Variants in MBNL2 observed in about 807,000 individuals in gnomAD.
MBNL2 encodes the protein muscleblind like splicing regulator 2.
A neutral mutation model predicts 41.9 loss-of-function variants in MBNL2; 17 were observed. The ratio of observed to expected loss-of-function variants is 0.41; its 90% CI spans 0.28 to 0.61. The LOEUF is 0.61. Among genes scored for constraint, MBNL2 ranks in the 20% least tolerant of loss-of-function variants. The pLI is 0.35. For missense variants in MBNL2, 336 were observed against 505.6 expected (o/e 0.66, Z 3.22); for synonymous variants, 195 against 182.9 (o/e 1.07, Z -0.53).
chr13:97,264,965 C>G (rs1407968778), intron 1 of MBNL2, among the ~76,000 whole-genome samples: 1 of 152,198 alleles, frequency 6.6e-6, no homozygotes, highest in Non-Finnish European at 1.5e-5. Flanking sequence ...TCAATGGTCT[C>G]TAATACAATT....
chr13:97,257,672 A>T (rs1220573296), intron 1 of MBNL2, among the ~76,000 whole-genome samples: 1 of 152,194 alleles, frequency 6.6e-6, no homozygotes, highest in Non-Finnish European at 1.5e-5. Context: ...CGTTTGTTTC[A>T]GTCACCCTGG....
the MBNL2 span, among the ~76,000 whole-genome samples, chr13:97,182,842 C>A: frequency 6.6e-6 from 1 of 152,142 alleles, no homozygotes; most frequent in Non-Finnish European, 1.5e-5. Context: ...GAATTATTCC[C>A]CTCCATTGTG....
chr13:97,358,034 A>G (rs995454971), intron 7 of MBNL2, among the ~76,000 whole-genome samples: 10 of 152,234 alleles, frequency 6.6e-5, no homozygotes, highest in African/African-American at 2.4e-4. Context: ...ATTTCTATTC[A>G]GAGCACTAAA....
chr13:97,324,820 C>T (rs562902831), intron 2 of MBNL2, among the ~76,000 whole-genome samples: 5 of 152,168 alleles, frequency 3.3e-5, no homozygotes, highest in Admixed American at 2.6e-4. Flanking sequence ...ACTTGGAGTC[C>T]GATGTTCGAG....
chr13:97,298,061 G>A (rs542529629), intron 2 of MBNL2, among the ~76,000 whole-genome samples: 4 of 152,014 alleles, frequency 2.6e-5, no homozygotes, highest in East Asian at 3.9e-4. Context: ...GAACTTTCTC[G>A]GACCTCTTCA....
Position 97,276,219 on chromosome 13 carries a change from C to T in MBNL2, c.-17C>T. 6.2e-7 allele frequency: 1 copy of T among 1,604,454 alleles called. No individual in the cohort carries two copies. Among genetic ancestry groups the T allele is most frequent in the East Asian group, 2.2e-5 (1 of 44,738 alleles). On this transcript the variant is annotated 5_prime_UTR_variant, in exon 2 of 9. Transcript: ENST00000679496. ...CATCATTTAACAGAAACAAACAGCC[C>T]AAATTACTTTATCACCATGGCTTTG...
chr13:97,165,145 A>G, the MBNL2 span, among the ~76,000 whole-genome samples: 2 of 152,152 alleles, frequency 1.3e-5, no homozygotes, highest in African/African-American at 4.8e-5. Flanking sequence ...TGGAGGTTGC[A>G]GTGAGCCGAG....
At chr13:97,156,455 C>T in the MBNL2 span, among the ~76,000 whole-genome samples, 1 of 141,110 alleles carries the variant, frequency 7.1e-6, no homozygotes, top group Admixed American at 7.2e-5. Context: ...GTGTTTTAGA[C>T]ATGAAGTCCT....
rs1322127017 is a variant in MBNL2 at position 97,270,004 on chromosome 13, GTACA to G, written c.-604-5623_-604-5620del. Among the ~76,000 whole-genome samples the G allele has an allele frequency of 5.9e-5, 9 of 152,336 alleles. No homozygotes were observed. The East Asian group carries it at 1.5e-3, about 26-fold the overall frequency. ...ATCTGTCTTTCATGGCAGCAACCAT[GTACA>G]TACAGGCAGGAACTATTATCGACAT... On this transcript the variant is annotated intron_variant, in intron 1 of 8. Coordinates refer to ENST00000679496, the MANE Select transcript of MBNL2 (RefSeq NM_001382683.1).
In MBNL2 at chr13:97,268,863, AATG is replaced by A. The variant is rs2050354564; in HGVS notation, c.-604-6766_-604-6764del. ...TTACAGTTCTTGTGAATTAAGGAAT[AATG>A]ATACCTATTTAAAAATAATGACCAG... On this transcript the variant is annotated intron_variant, in intron 1 of 8. Transcript: ENST00000679496. The surrounding 1 kb of genome is among the most constrained non-coding windows in gnomAD (Gnocchi z 4.6). Among the ~76,000 whole-genome samples, 1 of 152,264 alleles carries A rather than the reference AATG, an allele frequency of 6.6e-6. No homozygotes were observed. The highest frequency in any genetic ancestry group is 6.5e-5 in the Admixed American group (1 of 15,288).
intron 2 of MBNL2, among the ~76,000 whole-genome samples, chr13:97,292,045 A>G (rs532148701): frequency 1.4e-3 from 212 of 151,206 alleles, no homozygotes; most frequent in African/African-American, 4.9e-3. Context: ...TAAAAAATAC[A>G]AAAAAACTAG....
At chr13:97,180,245 T>A in the MBNL2 span, among the ~76,000 whole-genome samples, 2 of 152,172 alleles carry the variant, frequency 1.3e-5, no homozygotes, top group Non-Finnish European at 2.9e-5. Context: ...GAGAAACTGA[T>A]GGTGCCAGTC....
chr13:97,243,634 A>G (rs1188788144), intron 1 of MBNL2, among the ~76,000 whole-genome samples: 1 of 152,214 alleles, frequency 6.6e-6, no homozygotes, highest in African/African-American at 2.4e-5. Flanking sequence ...GTTGCTTCTA[A>G]GGCATATCAA....
the MBNL2 span, chr13:97,179,709 A>T: frequency 6.6e-6 from 1 of 152,226 alleles, no homozygotes; most frequent in African/African-American, 2.4e-5. Context: ...ACTCCTAAGA[A>T]TGCTGCTGGG....
At chr13:97,215,729 A>G in the MBNL2 span, among the ~76,000 whole-genome samples, 1 of 152,378 alleles carries the variant, frequency 6.6e-6, no homozygotes, top group Middle Eastern at 3.4e-3. Context: ...TAGCTATTTA[A>G]TAAATGGAAC....
chr13:97,334,496 A>G lies in MBNL2; in HGVS notation c.339+56A>G. The G allele has an allele frequency of 7.4e-7, 1 of 1,349,762 alleles. No homozygotes were observed. Among genetic ancestry groups the G allele is most frequent in the East Asian group, 2.6e-5 (1 of 39,100 alleles). The allele number at this position is 1,349,762 out of a possible 1,614,324, so 83.6% of individuals were successfully genotyped here. A position where few individuals can be genotyped will look rare whatever the true frequency, so the allele number is the denominator to read the frequency against. Reference sequence around the variant, plus strand: ...GATGGTTACAGTGTTGGTATGGATGATGCCACGTTGACCTAGGGTGGCCTC... The same window carrying G: ...GATGGTTACAGTGTTGGTATGGATGGTGCCACGTTGACCTAGGGTGGCCTC... On this transcript the variant is annotated intron_variant, in intron 3 of 8. Transcript: ENST00000679496. The surrounding 1 kb of genome is among the most constrained non-coding windows in gnomAD (Gnocchi z 5.3).
At chr13:97,236,788 T>G (rs1393296880) in intron 1 of MBNL2, among the ~76,000 whole-genome samples, 2 of 152,184 alleles carry the variant, frequency 1.3e-5, no homozygotes, top group Non-Finnish European at 2.9e-5. Context: ...AATTAGAAAC[T>G]TGAAAGGAAA....
At chr13:97,164,899 T>A in the MBNL2 span, among the ~76,000 whole-genome samples, 11 of 152,136 alleles carry the variant, frequency 7.2e-5, no homozygotes, top group Admixed American at 2.6e-4. Context: ...TCATTAAGTT[T>A]CCATTCTTAG....
chr13:97,305,219 A>G (rs2153008622), intron 2 of MBNL2, among the ~76,000 whole-genome samples: 1 of 152,332 alleles, frequency 6.6e-6, no homozygotes, highest in South Asian at 2.1e-4. Flanking sequence ...AATGGCTAAC[A>G]TATATTTTTA....
Sources: gnomAD v4.1 joint callset for allele counts (sites outside exome capture counted in the v4.1 genomes callset) on GRCh38, gnomAD v4.1.1 for gene constraint, Gnocchi (gnomAD v3.1) non-coding constraint, MANE v1.5 for transcripts, NCBI Gene and HGNC (gene_info 2026-07-23, HGNC 2026-07-21) for gene names.